KAZN: variants seen among roughly 807,000 people sequenced by gnomAD.
KAZN encodes kazrin, periplakin interacting protein, also known as kazrin.
Under a neutral mutation model 87.4 loss-of-function variants are expected in KAZN, and 40 were observed. That is an observed-to-expected ratio of 0.46 (90% CI 0.36 to 0.60). The LOEUF is 0.60. Ranked by LOEUF, KAZN falls within the 20% of genes least tolerant of loss-of-function variation. The pLI is 0.00. For missense variants in KAZN, 898 were observed against 1,073.9 expected (o/e 0.84, Z 2.29); for synonymous variants, 466 against 458.3 (o/e 1.02, Z -0.22).
rs546670266 is a variant in KAZN at position 14,847,499 on chromosome 1, T to C, written c.227-113185T>C. On this transcript the variant is annotated intron_variant, in intron 1 of 14. Transcript: ENST00000376030. ...GCTGTTTTGACTCCCACCTCCATAGTCCAATCCTTGCCTTGGGTCCGCAGT... is the reference window on the plus strand; with the variant it reads ...GCTGTTTTGACTCCCACCTCCATAGCCCAATCCTTGCCTTGGGTCCGCAGT... Among the ~76,000 whole-genome samples the C allele has an allele frequency of 5.9e-5, 9 of 152,336 alleles. 1 individual carries two copies. Among genetic ancestry groups the C allele is most frequent in the African/African-American group, 2.2e-4 (9 of 41,574 alleles).
At chr1:14,765,622 G>A (rs1231822555) in intron 1 of KAZN, among the ~76,000 whole-genome samples, 1 of 152,200 alleles carries the variant, frequency 6.6e-6, no homozygotes, top group Non-Finnish European at 1.5e-5. Flanking sequence ...TGTGGGGCTG[G>A]TGCCTGCGAA....
intron 1 of KAZN, among the ~76,000 whole-genome samples, chr1:13,912,543 G>C (rs542287190): frequency 6.6e-6 from 1 of 152,302 alleles, no homozygotes; most frequent in African/African-American, 2.4e-5. Flanking sequence ...AAGTAGATCA[G>C]ATGATAAAAT....
intron 1 of KAZN, among the ~76,000 whole-genome samples, chr1:14,140,383 G>A (rs1645210152): frequency 6.6e-6 from 1 of 151,998 alleles, no homozygotes; most frequent in South Asian, 2.1e-4. Context: ...TGCTTCGCAG[G>A]TGTAATAATA....
intron 2 of KAZN, among the ~76,000 whole-genome samples, chr1:14,966,329 C>T (rs188576388): frequency 5.2e-4 from 79 of 152,254 alleles, no homozygotes; most frequent in Admixed American, 1.4e-3. Flanking sequence ...CAAACAGATT[C>T]GAGTGAGAAG....
At chr1:14,315,065 A>T (rs1321767291) in intron 2 of KAZN, among the ~76,000 whole-genome samples, 1 of 152,188 alleles carries the variant, frequency 6.6e-6, no homozygotes, top group Non-Finnish European at 1.5e-5. Context: ...TTATCCATTC[A>T]TCAGTTGATG....
At chr1:14,610,974 G>T (rs779722054) in intron 1 of KAZN, among the ~76,000 whole-genome samples, 2 of 152,240 alleles carry the variant, frequency 1.3e-5, no homozygotes, top group East Asian at 3.9e-4. Flanking sequence ...GGTCACTTTC[G>T]CTGTGGCTGT....
intron 2 of KAZN, among the ~76,000 whole-genome samples, chr1:14,970,104 G>A (rs1664862285): frequency 6.6e-6 from 1 of 152,176 alleles, no homozygotes; most frequent in African/African-American, 2.4e-5. Context: ...ATGAGCCATG[G>A]TGCCTGGCCC....
At chr1:14,728,730 T>C (rs1054017692) in intron 1 of KAZN, among the ~76,000 whole-genome samples, 3 of 152,114 alleles carry the variant, frequency 2.0e-5, no homozygotes, top group African/African-American at 7.2e-5. Flanking sequence ...CGCCTTACAC[T>C]TAAGTGCACC....
chr1:14,570,710 T>A (rs1013833624), intron 2 of KAZN, among the ~76,000 whole-genome samples: 2 of 152,234 alleles, frequency 1.3e-5, no homozygotes, highest in Non-Finnish European at 2.9e-5. Flanking sequence ...CGAGTGTTTG[T>A]GTGGACGTAT....
At chr1:15,025,865 G>A (rs1671108515) in intron 2 of KAZN, among the ~76,000 whole-genome samples, 1 of 152,208 alleles carries the variant, frequency 6.6e-6, no homozygotes. Flanking sequence ...GCTCAGGCCT[G>A]TAATCCCAGC....
intron 1 of KAZN, among the ~76,000 whole-genome samples, chr1:14,740,750 G>T (rs1644071419): frequency 2.0e-5 from 3 of 152,046 alleles, no homozygotes; most frequent in African/African-American, 7.2e-5. Flanking sequence ...CTTGCTCTTT[G>T]TTCATTCTCC....
chr1:14,643,791 A>G (rs1368668998), intron 1 of KAZN, among the ~76,000 whole-genome samples: 1 of 152,188 alleles, frequency 6.6e-6, no homozygotes, highest in Non-Finnish European at 1.5e-5. Context: ...ACAGCAGTGT[A>G]TAAGAGTTCC....
chr1:14,061,601 G>C (rs1642797526), intron 1 of KAZN, among the ~76,000 whole-genome samples: 1 of 152,216 alleles, frequency 6.6e-6, no homozygotes, highest in Non-Finnish European at 1.5e-5. Flanking sequence ...TTCACCCTGA[G>C]GGCAACAGGG....
At chr1:14,684,400 G>A (rs1235558301) in intron 1 of KAZN, among the ~76,000 whole-genome samples, 1 of 152,142 alleles carries the variant, frequency 6.6e-6, no homozygotes, top group Non-Finnish European at 1.5e-5. Flanking sequence ...TGCAAAATGG[G>A]GATAAATCCT....
chr1:14,711,414 C>T (rs533666263), intron 1 of KAZN, among the ~76,000 whole-genome samples: 4 of 151,654 alleles, frequency 2.6e-5, no homozygotes, highest in Non-Finnish European at 5.9e-5. Flanking sequence ...GGTCACATTT[C>T]GTTTGGGGAT....
intron 1 of KAZN, among the ~76,000 whole-genome samples, chr1:14,027,512 T>C (rs1218833093): frequency 2.0e-5 from 3 of 152,164 alleles, no homozygotes; most frequent in Non-Finnish European, 4.4e-5. Context: ...CAACACCCAT[T>C]AATTAACTCC....
intron 2 of KAZN, among the ~76,000 whole-genome samples, chr1:14,465,200 C>T (rs1044072715): frequency 2.6e-5 from 4 of 151,612 alleles, no homozygotes; most frequent in African/African-American, 7.3e-5. Context: ...GAGATCGAGA[C>T]CATCCTGGCT....
chr1:14,501,820 G>T (rs1670271497), intron 2 of KAZN, among the ~76,000 whole-genome samples: 1 of 152,194 alleles, frequency 6.6e-6, no homozygotes, highest in African/African-American at 2.4e-5. Context: ...GGACTGATCT[G>T]TGCTACAACA....
At chr1:13,986,327 GA>G (rs1448935736) in intron 1 of KAZN, among the ~76,000 whole-genome samples, 1 of 152,186 alleles carries the variant, frequency 6.6e-6, no homozygotes, top group African/African-American at 2.4e-5. Context: ...GGTTTGATGA[GA>G]TTGGGGTAAT....
Sources: gnomAD v4.1 joint callset for allele counts (sites outside exome capture counted in the v4.1 genomes callset) on GRCh38, gnomAD v4.1.1 for gene constraint, MANE v1.5 for transcripts, NCBI Gene and HGNC (gene_info 2026-07-23, HGNC 2026-07-21) for gene names.